The following LRP1B variants were observed in gnomAD, a reference collection of about 807,000 sequenced individuals.
LRP1B encodes low-density lipoprotein receptor-related protein 1B.
Under a neutral mutation model 556.6 loss-of-function variants are expected in LRP1B, and 217 were observed. The ratio of observed to expected loss-of-function variants is 0.39; its 90% confidence interval spans 0.35 to 0.44. The LOEUF (loss-of-function observed/expected upper bound fraction) is 0.44. Among genes scored for constraint, LRP1B ranks in the 20% least tolerant of loss-of-function variants. The pLI, the probability that LRP1B is intolerant of heterozygous loss-of-function variation, is 1.00. For synonymous variants in LRP1B, 2,047 were observed against 1,865.8 expected (o/e 1.10, Z -2.50); for missense variants, 5,053 against 5,620.8 (o/e 0.90, Z 3.23).
intron 25 of LRP1B, among the ~76,000 whole-genome samples, chr2:140,872,616 T>C (rs911892293): frequency 3.3e-5 from 5 of 151,964 alleles, no homozygotes; most frequent in Admixed American, 3.3e-4. Context: ...TAAATAAATG[T>C]GGTCTCCTTA....
At chr2:140,428,674 G>C (rs1168252109) in intron 66 of LRP1B, among the ~76,000 whole-genome samples, 1 of 152,116 alleles carries the variant, frequency 6.6e-6, no homozygotes, top group African/African-American at 2.4e-5. Flanking sequence ...TCGAGTAACT[G>C]TCACAGTGGA....
intron 7 of LRP1B, among the ~76,000 whole-genome samples, chr2:141,178,289 G>T (rs1429743204): frequency 6.6e-6 from 1 of 152,046 alleles, no homozygotes; most frequent in Non-Finnish European, 1.5e-5. Context: ...ATCTCACAGA[G>T]AAAAAAATAA....
intron 55 of LRP1B, among the ~76,000 whole-genome samples, chr2:140,500,214 T>C (rs578261510): frequency 1.3e-5 from 2 of 152,110 alleles, no homozygotes; most frequent in Non-Finnish European, 2.9e-5. Flanking sequence ...ATATATTTCT[T>C]GGTGTTTCAG....
chr2:141,696,728 T>C (rs1691743945), intron 2 of LRP1B, among the ~76,000 whole-genome samples: 1 of 151,970 alleles, frequency 6.6e-6, no homozygotes, highest in African/African-American at 2.4e-5. Context: ...ATTAAATAGA[T>C]GGAGAGATTC....
At chr2:141,857,818 T>C (rs1012467936) in intron 1 of LRP1B, among the ~76,000 whole-genome samples, 6 of 152,184 alleles carry the variant, frequency 3.9e-5, no homozygotes, top group African/African-American at 1.4e-4. Context: ...TGGTCCCTTC[T>C]TCCCCTTTCA....
intron 85 of LRP1B, 31 bp from the exon 86 acceptor site, chr2:140,270,377 C>A: frequency 1.5e-6 from 2 of 1,356,628 alleles, no homozygotes; most frequent in Non-Finnish European, 1.1e-6. Flanking sequence ...AGAACAATTT[C>A]ATTGTTATTG....
At chr2:141,082,422 T>C (rs1429524226) in intron 7 of LRP1B, among the ~76,000 whole-genome samples, 2 of 152,242 alleles carry the variant, frequency 1.3e-5, no homozygotes, top group African/African-American at 2.4e-5. Context: ...CATCTTACTA[T>C]CTTTATTCTA....
At chr2:141,717,745 A>G (rs1692659409) in intron 2 of LRP1B, among the ~76,000 whole-genome samples, 2 of 152,206 alleles carry the variant, frequency 1.3e-5, no homozygotes, top group African/African-American at 4.8e-5. Context: ...TAAGCAAAAG[A>G]ATACAGTCTA....
At chr2:140,525,243 T>C (rs1281106417) in intron 49 of LRP1B, among the ~76,000 whole-genome samples, 1 of 151,902 alleles carries the variant, frequency 6.6e-6, no homozygotes, top group Admixed American at 6.6e-5. Context: ...TTATAATTTT[T>C]TTTTAATTTC....
At chr2:140,556,316 G>A (rs1379727239) in intron 43 of LRP1B, among the ~76,000 whole-genome samples, 1 of 151,948 alleles carries the variant, frequency 6.6e-6, no homozygotes, top group Non-Finnish European at 1.5e-5. Context: ...TTGGAGGAAA[G>A]GCCCCCCCAC....
chr2:142,119,258 T>C (rs190020026), intron 1 of LRP1B, among the ~76,000 whole-genome samples: 16 of 152,300 alleles, frequency 1.1e-4, no homozygotes, highest in African/African-American at 3.6e-4. Context: ...TTACTTATAA[T>C]GATCATGTAG....
At chr2:142,056,918 A>G (rs1704695135) in intron 1 of LRP1B, among the ~76,000 whole-genome samples, 1 of 114,914 alleles carries the variant, frequency 8.7e-6, no homozygotes, top group South Asian at 2.6e-4. Context: ...TTTTGTTTAT[A>G]CTCTGTTACC....
intron 28 of LRP1B, 22 bp from the exon 29 acceptor site, chr2:140,850,351 T>C: frequency 1.4e-6 from 2 of 1,466,666 alleles, no homozygotes; most frequent in Admixed American, 3.7e-5. Flanking sequence ...ATAGAAATTC[T>C]TTTCTCTTAT....
intron 2 of LRP1B, among the ~76,000 whole-genome samples, chr2:141,733,410 C>T (rs1693353206): frequency 1.3e-5 from 2 of 152,052 alleles, no homozygotes; most frequent in African/African-American, 2.4e-5. Context: ...AAACTTCGCT[C>T]GGGTTTAGCA....
chr2:140,746,646 AG>A (rs1281731063), intron 35 of LRP1B, among the ~76,000 whole-genome samples: 1 of 152,140 alleles, frequency 6.6e-6, no homozygotes, highest in African/African-American at 2.4e-5. Flanking sequence ...TGCACGCAGG[AG>A]AGCCATGTTT....
At chr2:140,757,029 A>T (rs1376399436) in intron 35 of LRP1B, among the ~76,000 whole-genome samples, 4 of 152,196 alleles carry the variant, frequency 2.6e-5, no homozygotes, top group African/African-American at 7.2e-5. Flanking sequence ...CTTCATATAC[A>T]CATATAAATG....
intron 32 of LRP1B, among the ~76,000 whole-genome samples, chr2:140,791,080 C>A (rs1019658449): frequency 1.3e-5 from 2 of 151,788 alleles, no homozygotes; most frequent in Admixed American, 6.6e-5. Context: ...ATGGTGAAAC[C>A]CTATCTCTAC....
intron 32 of LRP1B, among the ~76,000 whole-genome samples, chr2:140,796,693 T>C (rs1303298543): frequency 3.3e-5 from 5 of 152,120 alleles, no homozygotes; most frequent in African/African-American, 9.6e-5. Context: ...CATTGCTCAG[T>C]GCGCACTGCA....
chr2:141,442,079 T>TA (rs1680999199), intron 3 of LRP1B, among the ~76,000 whole-genome samples: 1 of 152,208 alleles, frequency 6.6e-6, no homozygotes, highest in African/African-American at 2.4e-5. Context: ...TCTATACTGT[T>TA]ACGGTTTCTA....
Sources: allele counts gnomAD v4.1 joint callset (sites outside exome capture counted in the v4.1 genomes callset), GRCh38; gene constraint gnomAD v4.1.1; transcripts MANE v1.5; gene names NCBI Gene and HGNC (gene_info 2026-07-23, HGNC 2026-07-21).